Variants in PCDH11X observed in about 807,000 individuals in gnomAD.
The protein encoded by PCDH11X is protocadherin-11 X-linked.
A neutral mutation model predicts 53.3 loss-of-function variants in PCDH11X; 18 were observed. That is an observed-to-expected ratio of 0.34 (90% CI 0.23 to 0.50). The LOEUF (loss-of-function observed/expected upper bound fraction) is 0.50. Among genes scored for constraint, PCDH11X ranks in the 20% least tolerant of loss-of-function variants. The pLI is 0.98. For synonymous variants in PCDH11X, 279 were observed against 393.3 expected (o/e 0.71, Z 3.44); for missense variants, 570 against 1,032.4 (o/e 0.55, Z 6.14).
At chrX:92,540,963 A>G (rs971994352) in intron 10 of PCDH11X, among the ~76,000 whole-genome samples, 1 of 108,196 alleles carries the variant, frequency 9.2e-6, no homozygotes, top group Non-Finnish European at 1.9e-5. Context: ...TCTTAATCTG[A>G]AGAAAGGAGT....
chrX:92,118,903 A>G (rs12860627), intron 6 of PCDH11X, among the ~76,000 whole-genome samples: 6 of 104,770 alleles, frequency 5.7e-5, no homozygotes, highest in Admixed American at 4.2e-4. Flanking sequence ...CACCACGCCC[A>G]GCTAATTTTT....
intron 8 of PCDH11X, among the ~76,000 whole-genome samples, chrX:92,330,249 G>C (rs1428817086): frequency 9.0e-6 from 1 of 111,154 alleles, no homozygotes; most frequent in Non-Finnish European, 1.9e-5. Flanking sequence ...TCAAACCTGT[G>C]TCAGAAGAAA....
intron 10 of PCDH11X, among the ~76,000 whole-genome samples, chrX:92,535,624 C>G (rs1283939034): frequency 9.0e-6 from 1 of 111,259 alleles, no homozygotes; most frequent in Non-Finnish European, 1.9e-5. Flanking sequence ...ACCCCTATGA[C>G]ACAAACAACC....
chrX:91,991,143 G>A (rs113114200), intron 6 of PCDH11X, among the ~76,000 whole-genome samples: 8,766 of 104,355 alleles, frequency 0.084, 388 homozygotes, highest in African/African-American at 0.14. Context: ...AACCTGAAGC[G>A]GGGGCTGGGG....
intron 6 of PCDH11X, among the ~76,000 whole-genome samples, chrX:92,191,927 A>G (rs2066199828): frequency 8.9e-6 from 1 of 111,896 alleles, no homozygotes; most frequent in South Asian, 3.7e-4. Context: ...CAGATTTCTC[A>G]GGGACAAGAA....
At chrX:92,236,110 G>A (rs2067167853) in intron 7 of PCDH11X, among the ~76,000 whole-genome samples, 1 of 111,053 alleles carries the variant, frequency 9.0e-6, no homozygotes, top group Non-Finnish European at 1.9e-5. Context: ...ATCTGAATTT[G>A]CTTATCCAAA....
intron 9 of PCDH11X, among the ~76,000 whole-genome samples, chrX:92,438,251 T>C (rs1389794098): frequency 6.3e-5 from 7 of 111,892 alleles, no homozygotes; most frequent in Non-Finnish European, 1.1e-4. Context: ...TGCATGTATA[T>C]TGCATAAGCA....
intron 10 of PCDH11X, among the ~76,000 whole-genome samples, chrX:92,556,189 C>T (rs914609424): frequency 2.7e-5 from 3 of 110,822 alleles, no homozygotes; most frequent in African/African-American, 9.9e-5. Context: ...CACAGCCAAA[C>T]CACACAATTC....
chrX:92,348,511 C>CATTTTTATTATT lies in PCDH11X; in HGVS notation c.3145-39221_3145-39220insTTTATTATTATT, dbSNP rs768476589. Among the ~76,000 whole-genome samples the CATTTTTATTATT allele has an allele frequency of 1.5e-3, 140 of 93,571 alleles. 1 individual carries two copies. The highest frequency in any genetic ancestry group is 5.0e-3 in the African/African-American group (133 of 26,596). 81.3% of individuals were successfully genotyped at this position (93,571 alleles called of 115,157 possible). ...CAGAGAAATCAAACATCAAAATTATCATTATTATTATTATTATTATTATTA... is the reference window on the plus strand; with the variant it reads ...CAGAGAAATCAAACATCAAAATTATCATTTTTATTATTATTATTATTATTATTATTATTATTA... On this transcript the variant is annotated intron_variant, in intron 8 of 10. Transcript: ENST00000682573.
intron 6 of PCDH11X, among the ~76,000 whole-genome samples, chrX:91,943,447 T>A (rs1385224384): frequency 4.5e-5 from 5 of 110,456 alleles, no homozygotes; most frequent in Non-Finnish European, 9.5e-5. Flanking sequence ...TTAAAACAAA[T>A]CAATTAATAT....
rs766521811 is a variant in PCDH11X, at chrX:91,916,279, A to G, written c.3033+37006A>G. On this transcript the variant is annotated intron_variant, in intron 6 of 10. Transcript: ENST00000682573. The stretch of plus-strand genomic sequence containing the variant: ...TTGCACCTCAAGGAACTAGAGAAAC[A>G]AGAACAAACCAAATCCAAAACCAGC... Among the ~76,000 whole-genome samples, 18 of 110,866 alleles carry G rather than the reference A, an allele frequency of 1.6e-4. No individual in the cohort carries two copies. In the East Asian group the frequency reaches 4.6e-3, roughly 28 times the overall value.
chrX:92,376,672 C>T (rs2754853), intron 8 of PCDH11X, among the ~76,000 whole-genome samples: 28 of 111,835 alleles, frequency 2.5e-4, no homozygotes, highest in Middle Eastern at 4.6e-3. Context: ...GTTCGGAGTG[C>T]GCTACTCTTT....
intron 6 of PCDH11X, among the ~76,000 whole-genome samples, chrX:91,911,219 T>G: frequency 9.1e-6 from 1 of 110,409 alleles, no homozygotes; most frequent in Non-Finnish European, 1.9e-5. Flanking sequence ...GCCACTTAAA[T>G]AATTGTATTC....
At chrX:91,838,418 G>A (rs1227158745) in intron 5 of PCDH11X, among the ~76,000 whole-genome samples, 3 of 111,528 alleles carry the variant, frequency 2.7e-5, no homozygotes, top group Admixed American at 9.6e-5. Context: ...GTGTGGCCCC[G>A]TGGACAAATA....
At chrX:92,525,080 A>G (rs2074426584) in intron 10 of PCDH11X, among the ~76,000 whole-genome samples, 1 of 111,759 alleles carries the variant, frequency 8.9e-6, no homozygotes, top group Non-Finnish European at 1.9e-5. Context: ...TCAACCCACA[A>G]AATGAACTTA....
chrX:92,295,461 A>G (rs2068586248), intron 8 of PCDH11X, among the ~76,000 whole-genome samples: 1 of 109,608 alleles, frequency 9.1e-6, no homozygotes, highest in Non-Finnish European at 1.9e-5. Flanking sequence ...TTCCTTTCCA[A>G]TCTGTATGAA....
rs765215973 is a variant in PCDH11X, at chrX:92,204,728, G to A, written c.3114+3273G>A. On this transcript the variant is annotated intron_variant, in intron 7 of 10. Transcript: ENST00000682573. ...CCCACTACCTCAGTACCAATTTACG[G>A]TATTAGTCCGTTCTCACGCTGCTAT... 2.7e-5 allele frequency among the ~76,000 whole-genome samples: 3 copies of A among 111,905 alleles called. No individual in the cohort carries two copies. The East Asian group carries it at 8.4e-4, about 32-fold the overall frequency.
At chrX:92,417,819 C>CCTTTT (rs2071850941) in intron 9 of PCDH11X, among the ~76,000 whole-genome samples, 1 of 27,395 alleles carries the variant, frequency 3.7e-5, no homozygotes, top group African/African-American at 2.1e-4. Flanking sequence ...TCTTTTCTTC[C>CCTTTT]ATTTTTTTTT....
chrX:92,217,336 CA>C (rs2148347386), intron 7 of PCDH11X, among the ~76,000 whole-genome samples: 1 of 106,489 alleles, frequency 9.4e-6, no homozygotes, highest in Admixed American at 1.0e-4. Context: ...CACATAGGCT[CA>C]AAATAAAAGG....
Sources: gnomAD v4.1 joint callset for allele counts (sites outside exome capture counted in the v4.1 genomes callset) on GRCh38, gnomAD v4.1.1 for gene constraint, MANE v1.5 for transcripts, NCBI Gene and HGNC (gene_info 2026-07-23, HGNC 2026-07-21) for gene names.